RNF214: variants seen among roughly 807,000 people sequenced by gnomAD.
RNF214 encodes the protein ring finger protein 214.
Under a neutral mutation model 75.9 loss-of-function variants are expected in RNF214, and 25 were observed. That is an observed-to-expected ratio of 0.33 (90% CI 0.24 to 0.46). The LOEUF (loss-of-function observed/expected upper bound fraction) is 0.46. Among genes scored for constraint, RNF214 ranks in the 20% least tolerant of loss-of-function variants. The pLI is 1.00. For synonymous variants in RNF214, 314 were observed against 308.8 expected, an observed-to-expected ratio of 1.02 and a Z score of -0.18; for missense variants, 725 against 857.5, an observed-to-expected ratio of 0.85 and a Z score of 1.93.
At chr11:117,282,873 A>C in intron 13 of RNF214, 23 bp downstream of exon 13, 1 of 1,553,370 alleles carries the variant, frequency 6.4e-7, no homozygotes, top group South Asian at 1.1e-5. Flanking sequence ...TTCTTTGAAC[A>C]CTGTGATATG....
At chr11:117,268,320 AT>A (rs1310467203) in intron 6 of RNF214, among the ~76,000 whole-genome samples, 2 of 152,174 alleles carry the variant, frequency 1.3e-5, no homozygotes, top group African/African-American at 4.8e-5. Context: ...GTCTCCTTTG[AT>A]GTTTGCATTT....
At chr11:117,240,906 CG>C (rs986758440) in intron 4 of RNF214, among the ~76,000 whole-genome samples, 15 of 152,040 alleles carry the variant, frequency 9.9e-5, no homozygotes, top group African/African-American at 3.6e-4. Context: ...AGACCAGCCA[CG>C]GTGGCTCACG....
chr11:117,258,778 C>G (rs2033589072), intron 6 of RNF214, among the ~76,000 whole-genome samples: 1 of 152,148 alleles, frequency 6.6e-6, no homozygotes, highest in South Asian at 2.1e-4. Context: ...CCTGCCCCCA[C>G]TCTCCCCAAA....
At chr11:117,274,356 CTT>C (rs11461326) in intron 6 of RNF214, among the ~76,000 whole-genome samples, 1 of 79,476 alleles carries the variant, frequency 1.3e-5, no homozygotes, top group Non-Finnish European at 2.2e-5. Flanking sequence ...CAAATGACTT[CTT>C]TTTTTTTTTT....
Position 117,232,725 on chromosome 11 carries a change from A to T in RNF214, c.-8A>T, listed in dbSNP as rs2032737118. On this transcript the variant is annotated splice_region_variant and 5_prime_UTR_variant, in exon 1 of 15. Transcript: ENST00000300650. ...CCCCCTCCCCCCGCTCCGCCCGCTC[A>T]GGTGCGTCCCGTCCCTCCCCCACTT... is the stretch of plus-strand genomic sequence containing the variant. 1 of 150,144 alleles carries T rather than the reference A, an allele frequency of 6.7e-6. No individual in the cohort carries two copies. Among genetic ancestry groups the T allele is most frequent in the African/African-American group, 2.4e-5 (1 of 40,896 alleles). The allele number at this position is 150,144 out of a possible 1,614,324, so 9.3% of individuals were successfully genotyped here.
At chr11:117,239,965 T>C in intron 4 of RNF214, 105 bp downstream of exon 4, 1 of 654,014 alleles carries the variant, frequency 1.5e-6, no homozygotes. Context: ...TTCATAAAAT[T>C]CCTGACAGAT....
intron 6 of RNF214, among the ~76,000 whole-genome samples, chr11:117,277,313 A>T (rs2034033200): frequency 6.6e-6 from 1 of 152,004 alleles, no homozygotes; most frequent in Non-Finnish European, 1.5e-5. Context: ...TGTGTACCCC[A>T]GCTTGGGTGA....
chr11:117,248,217 A>G (rs1271037752), intron 6 of RNF214, among the ~76,000 whole-genome samples: 1 of 152,110 alleles, frequency 6.6e-6, no homozygotes, highest in Non-Finnish European at 1.5e-5. Context: ...CTGGGACTAC[A>G]GGCGCCCGCC....
At chr11:117,273,428 A>G (rs770498073) in intron 6 of RNF214, among the ~76,000 whole-genome samples, 4 of 151,940 alleles carry the variant, frequency 2.6e-5, no homozygotes, top group Admixed American at 6.6e-5. Flanking sequence ...CTAGTACATT[A>G]AAATCTATTT....
chr11:117,263,579 A>G (rs1226397103), intron 6 of RNF214, among the ~76,000 whole-genome samples: 1 of 152,190 alleles, frequency 6.6e-6, no homozygotes, highest in Admixed American at 6.5e-5. Flanking sequence ...CAGCAGAAAA[A>G]AAATTTTAAT....
intron 6 of RNF214, 33 bp from the exon 7 acceptor site, chr11:117,279,875 C>T (rs1341629207): frequency 6.5e-6 from 10 of 1,527,544 alleles, no homozygotes; most frequent in Non-Finnish European, 9.0e-6. Flanking sequence ...TATCTTTCTT[C>T]CTTAGTCTTG....
intron 6 of RNF214, among the ~76,000 whole-genome samples, chr11:117,247,823 A>C (rs2033267109): frequency 6.7e-6 from 1 of 149,704 alleles, no homozygotes; most frequent in Admixed American, 6.7e-5. Flanking sequence ...GTGCCACTGG[A>C]CTTCAGCCTG....
chr11:117,240,666 C>T (rs1414940605), intron 4 of RNF214, among the ~76,000 whole-genome samples: 4 of 151,756 alleles, frequency 2.6e-5, no homozygotes, highest in Non-Finnish European at 5.9e-5. Flanking sequence ...CCAGCCTGGA[C>T]AACAGAGAAG....
At chr11:117,249,597 A>G (rs1482348398) in intron 6 of RNF214, among the ~76,000 whole-genome samples, 1 of 152,338 alleles carries the variant, frequency 6.6e-6, no homozygotes, top group Non-Finnish European at 1.5e-5. Flanking sequence ...TTGGCCTGCC[A>G]TAACAGAATA....
chr11:117,283,214 G>A lies in RNF214; in HGVS notation c.2046+4G>A. 1 of 1,592,050 alleles carries A rather than the reference G, an allele frequency of 6.3e-7. No homozygotes were observed. Among genetic ancestry groups the A allele is most frequent in the East Asian group, 2.2e-5 (1 of 44,792 alleles). On this transcript the variant is annotated splice_donor_region_variant and intron_variant, in intron 14 of 14. Coordinates refer to ENST00000300650, the MANE Select transcript of RNF214 (RefSeq NM_207343.4). The stretch of plus-strand genomic sequence containing the variant: ...TACCCATGTATTGCACAAGGAGGTA[G>A]GTGTTACAGACCTTCCTCATTTTCT...
intron 6 of RNF214, among the ~76,000 whole-genome samples, chr11:117,276,415 G>C (rs560389431): frequency 2.0e-5 from 3 of 152,214 alleles, no homozygotes; most frequent in Non-Finnish European, 4.4e-5. Context: ...TTCCAGACCA[G>C]CTTGGGCAAT....
intron 3 of RNF214, 96 bp downstream of exon 3, chr11:117,239,207 CTTGTT>C (rs1185883185): frequency 1.5e-6 from 2 of 1,351,330 alleles, no homozygotes; most frequent in Middle Eastern, 2.4e-4. Context: ...AACTTGCTGG[CTTGTT>C]TTGTTTTTTG....
chr11:117,284,866 G>T (rs2034213820), intron 14 of RNF214, among the ~76,000 whole-genome samples: 1 of 152,122 alleles, frequency 6.6e-6, no homozygotes. Flanking sequence ...GGAAGCAGAG[G>T]TTCCAGTGAG....
chr11:117,275,305 C>G (rs1405621636), intron 6 of RNF214, among the ~76,000 whole-genome samples: 1 of 151,936 alleles, frequency 6.6e-6, no homozygotes, highest in East Asian at 1.9e-4. Context: ...ATCAAAAAGA[C>G]AGGTCACAAA....
Sources: gnomAD v4.1 joint callset for allele counts (sites outside exome capture counted in the v4.1 genomes callset) on GRCh38, gnomAD v4.1.1 for gene constraint, MANE v1.5 for transcripts, NCBI Gene and HGNC (gene_info 2026-07-23, HGNC 2026-07-21) for gene names.